Variants in CDH13 observed in about 807,000 individuals in gnomAD.
CDH13 encodes cadherin 13.
A neutral mutation model predicts 63.8 loss-of-function variants in CDH13; 24 were observed. The ratio of observed to expected loss-of-function variants is 0.38; its 90% CI spans 0.27 to 0.53. CDH13 has a LOEUF of 0.53. Among genes scored for constraint, CDH13 ranks in the 20% least tolerant of loss-of-function variants. The pLI is 0.85. For missense variants in CDH13, 1,049 were observed against 903.1 expected, an observed-to-expected ratio of 1.16 and a Z score of -2.07; for synonymous variants, 503 against 355.3, an observed-to-expected ratio of 1.42 and a Z score of -4.67.
chr16:83,191,494 T>C (rs1245279446), intron 4 of CDH13, among the ~76,000 whole-genome samples: 3 of 69,030 alleles, frequency 4.3e-5, no homozygotes, highest in Non-Finnish European at 8.3e-5. Flanking sequence ...TATATGCACA[T>C]ATATATATAT....
At chr16:83,760,929 A>G (rs1371497692) in intron 11 of CDH13, among the ~76,000 whole-genome samples, 2 of 152,222 alleles carry the variant, frequency 1.3e-5, no homozygotes, top group African/African-American at 4.8e-5. Context: ...CAATTTTGCC[A>G]GGAAAGGTGA....
chr16:83,632,252 G>C (rs1910840767), intron 8 of CDH13, among the ~76,000 whole-genome samples: 1 of 130,506 alleles, frequency 7.7e-6, no homozygotes. Context: ...GGGCAGGATG[G>C]GCTGACACTG....
intron 6 of CDH13, among the ~76,000 whole-genome samples, chr16:83,456,639 G>T (rs2073031891): frequency 6.6e-6 from 1 of 152,164 alleles, no homozygotes; most frequent in Admixed American, 6.5e-5. Context: ...CTATGTTTAG[G>T]AAGCAGTGAA....
chr16:82,851,454 AAAG>A, intron 1 of CDH13, among the ~76,000 whole-genome samples: 4 of 151,198 alleles, frequency 2.6e-5, no homozygotes, highest in East Asian at 1.9e-4. Context: ...ATAAAAAGAA[AAAG>A]AAAAAGAAAA....
chr16:82,959,998 C>G (rs1850773139), intron 2 of CDH13, among the ~76,000 whole-genome samples: 2 of 152,136 alleles, frequency 1.3e-5, no homozygotes, highest in African/African-American at 4.8e-5. Flanking sequence ...AAACTGTTTT[C>G]CAGAGCGGCT....
chr16:83,375,110 G>T (rs998373444), intron 6 of CDH13, among the ~76,000 whole-genome samples: 2 of 152,122 alleles, frequency 1.3e-5, no homozygotes, highest in Non-Finnish European at 2.9e-5. Flanking sequence ...AGAGCATTCG[G>T]TATATTCCCA....
At chr16:82,794,126 T>G (rs62036784) in intron 1 of CDH13, among the ~76,000 whole-genome samples, 14,184 of 152,110 alleles carry the variant, frequency 0.093, 774 homozygotes, top group Middle Eastern at 0.14. Context: ...CAACACAAGT[T>G]CGTAAAGTTT....
intron 2 of CDH13, among the ~76,000 whole-genome samples, chr16:82,957,453 C>A (rs1171523895): frequency 6.6e-6 from 1 of 152,116 alleles, no homozygotes. Context: ...ATTGGAAGTT[C>A]AAGATAGATA....
chr16:83,637,454 T>C (rs1489395291), intron 8 of CDH13, among the ~76,000 whole-genome samples: 2 of 78,834 alleles, frequency 2.5e-5, no homozygotes, highest in Admixed American at 1.4e-4. Flanking sequence ...GGCGAGGCAT[T>C]GCCTCACCTG....
intron 5 of CDH13, among the ~76,000 whole-genome samples, chr16:83,323,174 T>TTC (rs1555530163): frequency 0.18 from 14,419 of 78,722 alleles, 1,314 homozygotes; most frequent in East Asian, 0.23. Flanking sequence ...TCTCTTTCTT[T>TTC]TTTCTTTCTT....
At chr16:83,538,202 C>T (rs146725293) in intron 7 of CDH13, among the ~76,000 whole-genome samples, 220 of 152,270 alleles carry the variant, frequency 1.4e-3, no homozygotes, top group African/African-American at 5.0e-3. Flanking sequence ...TAGAGGAGGA[C>T]TTGGGAAGCT....
intron 3 of CDH13, among the ~76,000 whole-genome samples, chr16:83,042,413 G>A (rs1419746935): frequency 6.6e-6 from 1 of 152,146 alleles, no homozygotes; most frequent in Non-Finnish European, 1.5e-5. Flanking sequence ...AGAATCTAAT[G>A]CCTGATGATC....
At chr16:83,100,442 A>T (rs1431486022) in intron 3 of CDH13, among the ~76,000 whole-genome samples, 1 of 152,126 alleles carries the variant, frequency 6.6e-6, no homozygotes, top group Non-Finnish European at 1.5e-5. Context: ...AGGGTGGTGA[A>T]TTTTTTCATT....
chr16:83,068,060 TG>T (rs569160626), intron 3 of CDH13, among the ~76,000 whole-genome samples: 74 of 152,252 alleles, frequency 4.9e-4, no homozygotes, highest in African/African-American at 1.7e-3. Flanking sequence ...ACTGCCACTT[TG>T]TGAAAGATAC....
chr16:82,956,673 C>T (rs1050880763), intron 2 of CDH13, among the ~76,000 whole-genome samples: 1 of 152,222 alleles, frequency 6.6e-6, no homozygotes, highest in Non-Finnish European at 1.5e-5. Flanking sequence ...TACCCACTCC[C>T]TTAGCAGATG....
At chr16:83,192,855 G>A (rs2038762832) in intron 4 of CDH13, among the ~76,000 whole-genome samples, 2 of 152,156 alleles carry the variant, frequency 1.3e-5, no homozygotes, top group South Asian at 2.1e-4. Flanking sequence ...GGGGCGAACA[G>A]TGCATCTAAA....
At chr16:82,790,379 G>C (rs1160700037) in intron 1 of CDH13, among the ~76,000 whole-genome samples, 1 of 152,216 alleles carries the variant, frequency 6.6e-6, no homozygotes, top group African/African-American at 2.4e-5. Flanking sequence ...AGGTTGCAGT[G>C]AGCCAAGATC....
At chr16:83,646,696 A>ACACACAC (rs1911834042) in intron 8 of CDH13, among the ~76,000 whole-genome samples, 1 of 50,900 alleles carries the variant, frequency 2.0e-5, no homozygotes, top group African/African-American at 9.1e-5. Flanking sequence ...CCGTCTCAAA[A>ACACACAC]AAAAAAAAAA....
intron 1 of CDH13, among the ~76,000 whole-genome samples, chr16:82,729,847 C>G (rs1764398556): frequency 6.6e-6 from 1 of 152,180 alleles, no homozygotes; most frequent in African/African-American, 2.4e-5. Flanking sequence ...ATGATCTTAG[C>G]TAGATCTTCT....
Sources: gnomAD v4.1 joint callset for allele counts (sites outside exome capture counted in the v4.1 genomes callset) on GRCh38, gnomAD v4.1.1 for gene constraint, MANE v1.5 for transcripts, NCBI Gene and HGNC (gene_info 2026-07-23, HGNC 2026-07-21) for gene names.